IL1R1: variants seen among roughly 807,000 people sequenced by gnomAD.
The protein encoded by IL1R1 is interleukin 1 receptor type 1.
IL1R1 carries 22 observed loss-of-function variants against 50.2 expected under a neutral mutation model. That is an observed-to-expected ratio of 0.44 (90% confidence interval 0.31 to 0.63). The LOEUF is 0.63. IL1R1 is among the 20% of genes least tolerant of loss of function. The pLI, the probability that IL1R1 is intolerant of heterozygous loss-of-function variation, is 0.07. For synonymous variants in IL1R1, 251 were observed against 236.7 expected (o/e 1.06, Z -0.55); for missense variants, 509 against 676.2 (o/e 0.75, Z 2.74).
upstream of IL1R1, among the ~76,000 whole-genome samples, chr2:102,099,640 G>T (rs1559461196): frequency 2.0e-5 from 3 of 152,086 alleles, no homozygotes; most frequent in Non-Finnish European, 4.4e-5. Flanking sequence ...CGTGTCTGAG[G>T]GCATTCTCCA....
rs151315739 is a variant in IL1R1 at position 102,111,528 on chromosome 2, G to T, written c.-84+6656G>T. 1.6e-4 allele frequency among the ~76,000 whole-genome samples: 25 copies of T among 152,296 alleles called. No individual in the cohort carries two copies. The East Asian group carries it at 4.6e-3, about 28-fold the overall frequency. On this transcript the variant is annotated intron_variant, in intron 1 of 10. Transcript: ENST00000409329. ...CTGATAATTTTGACAGATTATTATT[G>T]CATGTCCAACCTGTGCTAAGCCCTG...
intron 1 of IL1R1, among the ~76,000 whole-genome samples, chr2:102,072,191 T>TG (rs1312157610): frequency 6.9e-6 from 1 of 144,934 alleles, no homozygotes; most frequent in Admixed American, 7.1e-5. Context: ...ACCCGGGAGG[T>TG]GGAGGTTGCA....
chr2:102,164,093 C>T (rs946115978), intron 3 of IL1R1, among the ~76,000 whole-genome samples: 1 of 152,114 alleles, frequency 6.6e-6, no homozygotes, highest in African/African-American at 2.4e-5. Flanking sequence ...GTTTGGTAGT[C>T]CTCCCTCTAG....
At chr2:102,076,845 G>A (rs1678986686) in intron 1 of IL1R1, among the ~76,000 whole-genome samples, 1 of 151,912 alleles carries the variant, frequency 6.6e-6, no homozygotes, top group African/African-American at 2.4e-5. Flanking sequence ...TACTGTATTT[G>A]GGGGGTTTGT....
rs1686354674 is a variant in IL1R1, at chr2:102,178,853, G to A, written c.*2094G>A. ...GCAGGACACAAGCACAGTTTTAAGA[G>A]TTGTATGAACATGGAGAGGACTTTT... On this transcript the variant is annotated 3_prime_UTR_variant, in exon 12 of 12. Coordinates refer to ENST00000410023, the MANE Select transcript of IL1R1 (RefSeq NM_000877.4). The A allele has an allele frequency of 6.6e-6, 1 of 152,316 alleles. No individual in the cohort carries two copies. Among genetic ancestry groups the A allele is most frequent in the Non-Finnish European group, 1.5e-5 (1 of 68,034 alleles). The allele number at this position is 152,316 out of a possible 1,614,324, so 9.4% of individuals were successfully genotyped here.
At chr2:102,098,624 T>C (rs1180444921) in intron 1 of IL1R1, among the ~76,000 whole-genome samples, 1 of 152,078 alleles carries the variant, frequency 6.6e-6, no homozygotes, top group African/African-American at 2.4e-5. Context: ...AGTATGATTA[T>C]GAAAGCCATA....
At chr2:102,144,635 A>C (rs1682957909) in intron 1 of IL1R1, among the ~76,000 whole-genome samples, 1 of 152,200 alleles carries the variant, frequency 6.6e-6, no homozygotes, top group Admixed American at 6.5e-5. Context: ...CGACAAGTGA[A>C]AACCTCTGTC....
intron 1 of IL1R1, among the ~76,000 whole-genome samples, chr2:102,109,500 T>C (rs1350364225): frequency 1.3e-5 from 2 of 152,204 alleles, no homozygotes. Flanking sequence ...TGTGCCACAC[T>C]GGCCTGGACA....
rs1686145452 is a variant in IL1R1 at position 102,176,453 on chromosome 2, T to C, written c.1404T>C (p.Ser468=). The C allele has an allele frequency of 6.2e-7, 1 of 1,614,240 alleles. No individual in the cohort carries two copies. The highest frequency in any genetic ancestry group is 1.6e-4 in the Middle Eastern group (1 of 6,062). ...GCTTCAGCTGGCTGGGTGGTTCATCTGAAGAGCAAATAGCCATGTATAATG... is the reference window on the plus strand; with the variant it reads ...GCTTCAGCTGGCTGGGTGGTTCATCCGAAGAGCAAATAGCCATGTATAATG... ...TSGFSWLGGS[S]EEQIAMYNAL... The change falls in exon 12 of 12, where the codon TCT becomes TCC. Residue 468 remains serine, a synonymous_variant. Transcript: ENST00000410023.
intron 3 of IL1R1, among the ~76,000 whole-genome samples, chr2:102,158,398 A>C (rs1255198551): frequency 6.6e-6 from 1 of 152,184 alleles, no homozygotes; most frequent in African/African-American, 2.4e-5. Flanking sequence ...AAAGAGTATA[A>C]GGTTTTGGCA....
chr2:102,131,145 G>C (rs1449923381), intron 1 of IL1R1, among the ~76,000 whole-genome samples: 1 of 152,204 alleles, frequency 6.6e-6, no homozygotes, highest in Non-Finnish European at 1.5e-5. Flanking sequence ...ATAGGGATTT[G>C]TTAGAGGACT....
intron 1 of IL1R1, among the ~76,000 whole-genome samples, chr2:102,136,378 T>TC (rs1178983322): frequency 2.9e-4 from 43 of 145,788 alleles, no homozygotes; most frequent in African/African-American, 1.0e-3. Context: ...AACAGTATTT[T>TC]TTTTTTTTTT....
At chr2:102,097,658 G>A (rs567337713) in intron 1 of IL1R1, among the ~76,000 whole-genome samples, 20 of 151,524 alleles carry the variant, frequency 1.3e-4, no homozygotes, top group African/African-American at 4.4e-4. Context: ...CAAATTCCAA[G>A]AAAAACATAA....
At chr2:102,137,403 A>G (rs1250859091) in intron 1 of IL1R1, among the ~76,000 whole-genome samples, 1 of 152,212 alleles carries the variant, frequency 6.6e-6, no homozygotes, top group Non-Finnish European at 1.5e-5. Flanking sequence ...TTGTAGCCAG[A>G]CAGCCACTAA....
intron 6 of IL1R1, among the ~76,000 whole-genome samples, chr2:102,167,596 C>T (rs1007237180): frequency 5.3e-5 from 8 of 151,738 alleles, no homozygotes; most frequent in African/African-American, 1.2e-4. Context: ...TACAGGCGCC[C>T]GCCACCACGC....
chr2:102,146,023 T>C (rs1004192918), intron 1 of IL1R1, among the ~76,000 whole-genome samples: 30 of 152,066 alleles, frequency 2.0e-4, no homozygotes, highest in African/African-American at 6.8e-4. Context: ...AAGTTTCTTT[T>C]AAAGATCCCT....
intron 3 of IL1R1, among the ~76,000 whole-genome samples, chr2:102,158,629 G>C: frequency 6.6e-6 from 1 of 152,206 alleles, no homozygotes; most frequent in East Asian, 1.9e-4. Flanking sequence ...CATAGTGAGA[G>C]ATGAGGGAAG....
intron 2 of IL1R1, among the ~76,000 whole-genome samples, chr2:102,156,867 A>C (rs886227804): frequency 6.6e-6 from 1 of 152,240 alleles, no homozygotes; most frequent in African/African-American, 2.4e-5. Flanking sequence ...ACTGCATGTC[A>C]TTAGAATCTG....
At chr2:102,076,366 A>G (rs760572829) in intron 1 of IL1R1, among the ~76,000 whole-genome samples, 1 of 151,996 alleles carries the variant, frequency 6.6e-6, no homozygotes, top group Non-Finnish European at 1.5e-5. Flanking sequence ...TTTAGTAGAG[A>G]CGGGGTTTCA....
Sources: gnomAD v4.1 joint callset for allele counts (sites outside exome capture counted in the v4.1 genomes callset) on GRCh38, gnomAD v4.1.1 for gene constraint, MANE v1.5 for transcripts, NCBI Gene and HGNC (gene_info 2026-07-23, HGNC 2026-07-21) for gene names.